Variants in PLCG2 observed in about 807,000 individuals in gnomAD.
PLCG2 encodes phospholipase C gamma 2.
In PLCG2, 69 loss-of-function variants were observed where a neutral mutation model predicts 175.6. The ratio of observed to expected loss-of-function variants is 0.39; its 90% CI spans 0.32 to 0.48. The LOEUF is 0.48. Among genes scored for constraint, PLCG2 ranks in the 20% least tolerant of loss-of-function variants. PLCG2 has a pLI of 0.91. For synonymous variants in PLCG2, 827 were observed against 624.0 expected (o/e 1.33, Z -4.85); for missense variants, 1,798 against 1,650.9 (o/e 1.09, Z -1.54).
At chr16:81,830,952 T>C (rs900329723) in intron 2 of PLCG2, among the ~76,000 whole-genome samples, 1 of 152,040 alleles carries the variant, frequency 6.6e-6, no homozygotes, top group Non-Finnish European at 1.5e-5. Context: ...ACGCAGTGTG[T>C]CCCAGCTGGT....
intron 25 of PLCG2, 63 bp from the exon 26 acceptor site, chr16:81,934,366 A>T: frequency 1.0e-6 from 1 of 991,384 alleles, no homozygotes; most frequent in Non-Finnish European, 1.6e-6. Context: ...GGAAAAATGC[A>T]GGGCGAGCTG....
chr16:81,790,042 C>G (rs940591174), intron 2 of PLCG2, among the ~76,000 whole-genome samples: 8 of 152,208 alleles, frequency 5.3e-5, no homozygotes, highest in Admixed American at 3.9e-4. Context: ...CAAGTTACCT[C>G]CACTCTCTGA....
chr16:81,858,315 C>G lies in PLCG2; in HGVS notation c.390C>G (p.His130Gln), dbSNP rs761450187. The change falls in exon 4 of 33, where the codon CAC (histidine) becomes CAG (glutamine). Residue 130 changes from histidine to glutamine, a missense_variant. His to Gln is a conservative substitution (Grantham distance 24, BLOSUM62 0). Coordinates refer to ENST00000564138, the MANE Select transcript of PLCG2 (RefSeq NM_002661.5). ...VNWLSGLKIL[H>Q]QEAMNASTPT... ...GGCTCTCTGGCTTGAAAATCTTACA[C>G]CAGGAAGCGATGAATGCGTCCACGC... 14 of 1,614,060 alleles carry G rather than the reference C, an allele frequency of 8.7e-6. No homozygotes were observed. The East Asian group carries it at 2.2e-4, about 26-fold the overall frequency.
intron 2 of PLCG2, among the ~76,000 whole-genome samples, chr16:81,808,339 G>A (rs1347496770): frequency 6.6e-6 from 1 of 152,128 alleles, no homozygotes; most frequent in East Asian, 1.9e-4. Flanking sequence ...AATCCCCAGT[G>A]TCCTGAGGTC....
At chr16:81,784,025 G>A (rs370740090) in intron 1 of PLCG2, among the ~76,000 whole-genome samples, 4 of 152,210 alleles carry the variant, frequency 2.6e-5, no homozygotes, top group Middle Eastern at 3.4e-3. Flanking sequence ...CTCTCTGCCC[G>A]CCGTGCCCCC....
At chr16:81,795,737 T>C (rs1396763565) in intron 2 of PLCG2, among the ~76,000 whole-genome samples, 2 of 152,100 alleles carry the variant, frequency 1.3e-5, no homozygotes, top group African/African-American at 4.8e-5. Flanking sequence ...GTCTTGCTTA[T>C]TGCCCAGGCT....
chr16:81,898,441 A>G (rs767495302), intron 13 of PLCG2: 1 of 152,252 alleles, frequency 6.6e-6, no homozygotes, highest in African/African-American at 2.4e-5. Flanking sequence ...GGGTGTGTGG[A>G]TCAGGATCGG....
intron 10 of PLCG2, chr16:81,889,510 G>A (rs1337756657): frequency 1.8e-5 from 7 of 397,174 alleles, no homozygotes; most frequent in East Asian, 3.9e-5. Flanking sequence ...AGACAGAACC[G>A]ATTGATCAAG....
intron 7 of PLCG2, among the ~76,000 whole-genome samples, chr16:81,871,981 T>C (rs59068951): frequency 0.015 from 2,282 of 152,280 alleles, 24 homozygotes; most frequent in Middle Eastern, 0.054. Context: ...CATTTTGTGA[T>C]GAAAGCCAGC....
chr16:81,941,249 G>A (rs1286805377), intron 30 of PLCG2, among the ~76,000 whole-genome samples: 2 of 152,156 alleles, frequency 1.3e-5, no homozygotes, highest in African/African-American at 2.4e-5. Context: ...GGTGCTGGCC[G>A]GGCACGGTGG....
At chr16:81,916,871 C>T (rs1013523436) in intron 19 of PLCG2, among the ~76,000 whole-genome samples, 3 of 152,168 alleles carry the variant, frequency 2.0e-5, no homozygotes, top group African/African-American at 7.2e-5. Flanking sequence ...CTGCTGACCT[C>T]TGGTGATCCA....
At chr16:81,786,817 A>C (rs189710322) in intron 2 of PLCG2, among the ~76,000 whole-genome samples, 76 of 152,304 alleles carry the variant, frequency 5.0e-4, no homozygotes, top group Non-Finnish European at 9.1e-4. Flanking sequence ...ATTTGCTCTA[A>C]TTTGTGTTTT....
chr16:81,904,694 TC>T (rs1909290809), intron 14 of PLCG2, among the ~76,000 whole-genome samples: 1 of 152,186 alleles, frequency 6.6e-6, no homozygotes, highest in Non-Finnish European at 1.5e-5. Flanking sequence ...GCACTTACTG[TC>T]TGCTAAGTGC....
intron 2 of PLCG2, among the ~76,000 whole-genome samples, chr16:81,834,795 C>A (rs890133465): frequency 6.6e-6 from 1 of 152,218 alleles, no homozygotes; most frequent in Non-Finnish European, 1.5e-5. Context: ...AAACCTCCTG[C>A]CAGTCCCCAG....
intron 31 of PLCG2, among the ~76,000 whole-genome samples, chr16:81,947,734 G>A (rs917166527): frequency 2.0e-5 from 3 of 152,206 alleles, no homozygotes; most frequent in Non-Finnish European, 1.5e-5. Context: ...TTATCAAGTC[G>A]CAGTCCTTTA....
chr16:81,936,144 T>C (rs1442822491), intron 26 of PLCG2, 25 bp from the exon 27 acceptor site: 10 of 1,612,802 alleles, frequency 6.2e-6, no homozygotes, highest in Middle Eastern at 1.7e-4. Flanking sequence ...ACAGAAGTAC[T>C]GATGACCTTT....
At position 81,936,183 on chromosome 16, in the gene PLCG2, C is replaced by T. The variant is rs1278946830; in HGVS notation, c.2857C>T (p.Arg953Ter). 3 of 1,614,016 alleles carry T rather than the reference C, an allele frequency of 1.9e-6. No individual in the cohort carries two copies. Among genetic ancestry groups the T allele is most frequent in the Non-Finnish European group, 2.5e-6 (3 of 1,180,016 alleles). Residue 953 changes from arginine (R) to a stop codon, truncating the protein, a stop_gained, in exon 27 of 33, where the codon CGA (arginine) becomes TGA (stop). Coordinates refer to ENST00000564138, the MANE Select transcript of PLCG2 (RefSeq NM_002661.5). LOFTEE classifies it high-confidence loss of function. The stretch of plus-strand genomic sequence containing the variant: ...TCTGTGTGCAGAAAATCCTGACTTC[C>T]GAGAAATCCGCTCCTTTGTGGAGAC... Reference protein sequence around the residue: ...TKDNLENPDFREIRSFVETKA... With the variant: ...TKDNLENPDF
intron 12 of PLCG2, 55 bp downstream of exon 12, chr16:81,893,849 T>C (rs370771636): frequency 1.8e-6 from 2 of 1,092,536 alleles, no homozygotes; most frequent in Non-Finnish European, 2.8e-6. Flanking sequence ...AGGATAACCA[T>C]GTGGTTGCTC....
At chr16:81,907,018 G>C (rs7189764) in intron 15 of PLCG2, among the ~76,000 whole-genome samples, 131,818 of 142,342 alleles carry the variant, frequency 0.93, 61,102 homozygotes, top group East Asian at 0.97. Flanking sequence ...AGCCTGGTGA[G>C]AGAGACAGAC....
Sources: gnomAD v4.1 joint callset for allele counts (sites outside exome capture counted in the v4.1 genomes callset) on GRCh38, gnomAD v4.1.1 for gene constraint, MANE v1.5 for transcripts, NCBI Gene and HGNC (gene_info 2026-07-23, HGNC 2026-07-21) for gene names.